Variants in MAPKAP1 observed in about 807,000 individuals in gnomAD.
The protein encoded by MAPKAP1 is target of rapamycin complex 2 subunit MAPKAP1.
Under a neutral mutation model 65.7 loss-of-function variants are expected in MAPKAP1, and 20 were observed. The observed-to-expected ratio is 0.30, with a 90% CI of 0.21 to 0.44. MAPKAP1 has a LOEUF of 0.44. MAPKAP1 is among the 20% of genes least tolerant of loss of function. The pLI, the probability that MAPKAP1 is intolerant of heterozygous loss-of-function variation, is 1.00. For missense variants in MAPKAP1, 423 were observed against 648.0 expected (o/e 0.65, Z 3.77); for synonymous variants, 222 against 244.3 (o/e 0.91, Z 0.85).
chr9:125,691,421 A>T (rs1423304924), intron 1 of MAPKAP1, among the ~76,000 whole-genome samples: 1 of 152,190 alleles, frequency 6.6e-6, no homozygotes, highest in East Asian at 1.9e-4. Context: ...TGGGGAGATG[A>T]GGAGTTATGT....
chr9:125,629,081 A>G (rs1290861877), intron 4 of MAPKAP1, among the ~76,000 whole-genome samples: 1 of 151,806 alleles, frequency 6.6e-6, no homozygotes, highest in Non-Finnish European at 1.5e-5. Context: ...ACACACACAC[A>G]CACACACACA....
chr9:125,704,810 T>C (rs1481330692), intron 1 of MAPKAP1, among the ~76,000 whole-genome samples: 4 of 152,222 alleles, frequency 2.6e-5, no homozygotes, highest in Non-Finnish European at 5.9e-5. Context: ...TTGTATCTTA[T>C]AGCTATTTAT....
At chr9:125,536,953 A>G (rs1490245346) in intron 7 of MAPKAP1, among the ~76,000 whole-genome samples, 1 of 152,256 alleles carries the variant, frequency 6.6e-6, no homozygotes, top group African/African-American at 2.4e-5. Context: ...TGCAATTACA[A>G]AAAGAATTCC....
chr9:125,582,777 G>A lies in MAPKAP1; in HGVS notation c.671+2778C>T, dbSNP rs538270860. Among the ~76,000 whole-genome samples, 4 of 152,330 alleles carry A rather than the reference G, an allele frequency of 2.6e-5. No individual in the cohort carries two copies. In the East Asian group the frequency reaches 7.7e-4, roughly 29 times the overall value. ...CCTCTGGTCCCCGTCCAGGGATGCA[G>A]TTCCTTTGGTCCCATACCCTCATGT... On this transcript the variant is annotated intron_variant, in intron 5 of 11. Coordinates refer to ENST00000265960, the MANE Select transcript of MAPKAP1 (RefSeq NM_001006617.3).
rs1833499960 is a variant in MAPKAP1, at chr9:125,638,928, C to A, written c.498+18723G>T. Among the ~76,000 whole-genome samples, 3 of 152,312 alleles carry A rather than the reference C, an allele frequency of 2.0e-5. No homozygotes were observed. The South Asian group carries it at 6.2e-4, about 32-fold the overall frequency. On this transcript the variant is annotated intron_variant, in intron 4 of 11. Transcript: ENST00000265960. ...AAAATCTGGCTGAGAATTAACCTCA[C>A]AATAACAAGTGGAAGACCTTTGGGA...
At chr9:125,589,527 C>G (rs1283648983) in intron 4 of MAPKAP1, among the ~76,000 whole-genome samples, 1 of 152,204 alleles carries the variant, frequency 6.6e-6, no homozygotes, top group African/African-American at 2.4e-5. Flanking sequence ...CTCCATCCCT[C>G]TTGCCCTTCC....
At chr9:125,545,751 G>A (rs1830403713) in intron 6 of MAPKAP1, among the ~76,000 whole-genome samples, 1 of 152,126 alleles carries the variant, frequency 6.6e-6, no homozygotes. Context: ...TTGAGCAGAG[G>A]AAAATCCCCA....
intron 1 of MAPKAP1, among the ~76,000 whole-genome samples, chr9:125,693,435 A>G (rs1835232521): frequency 2.0e-5 from 3 of 149,704 alleles, no homozygotes; most frequent in Admixed American, 2.0e-4. Context: ...AAATATATAT[A>G]TATATATACA....
chr9:125,539,065 G>T (rs1830163174), intron 7 of MAPKAP1, among the ~76,000 whole-genome samples: 1 of 152,162 alleles, frequency 6.6e-6, no homozygotes. Context: ...TAGGGGTCTT[G>T]TGAAAACAAA....
chr9:125,697,772 T>C (rs543396153), intron 1 of MAPKAP1, among the ~76,000 whole-genome samples: 1 of 152,334 alleles, frequency 6.6e-6, no homozygotes. Context: ...GCCAAAGTGC[T>C]TTCCAGAAAA....
At chr9:125,637,469 G>A (rs1307065852) in intron 4 of MAPKAP1, among the ~76,000 whole-genome samples, 1 of 152,098 alleles carries the variant, frequency 6.6e-6, no homozygotes, top group Non-Finnish European at 1.5e-5. Context: ...TCATAGAACT[G>A]TCAGGTAATA....
chr9:125,632,162 CA>C (rs1256848523), intron 4 of MAPKAP1, among the ~76,000 whole-genome samples: 2 of 150,026 alleles, frequency 1.3e-5, no homozygotes, highest in African/African-American at 4.9e-5. Flanking sequence ...GAAGAGCCTG[CA>C]GTGAGCTGAG....
intron 1 of MAPKAP1, among the ~76,000 whole-genome samples, chr9:125,701,150 G>A (rs907966499): frequency 1.3e-5 from 2 of 152,132 alleles, no homozygotes; most frequent in Non-Finnish European, 1.5e-5. Context: ...TTGGCATCCC[G>A]AAAAGAAAAC....
intron 7 of MAPKAP1, among the ~76,000 whole-genome samples, chr9:125,511,591 T>C (rs374755221): frequency 7.2e-5 from 11 of 152,330 alleles, no homozygotes; most frequent in African/African-American, 2.6e-4. Flanking sequence ...CATCAAATAC[T>C]TGTTTAATTT....
At chr9:125,689,986 G>C (rs1835118356) in intron 1 of MAPKAP1, among the ~76,000 whole-genome samples, 1 of 152,100 alleles carries the variant, frequency 6.6e-6, no homozygotes, top group African/African-American at 2.4e-5. Flanking sequence ...TACTCAGGAG[G>C]CTGAGGCAGG....
intron 7 of MAPKAP1, among the ~76,000 whole-genome samples, chr9:125,534,256 A>G (rs1157115514): frequency 6.6e-6 from 1 of 152,226 alleles, no homozygotes; most frequent in Non-Finnish European, 1.5e-5. Flanking sequence ...AAAAAAACCC[A>G]AAGGATTTAC....
rs536367888 is a variant in MAPKAP1, at chr9:125,480,975, GAAAAAAAAAA to G, written c.1207+3458_1207+3467del. Among the ~76,000 whole-genome samples the G allele has an allele frequency of 5.9e-4, 64 of 108,720 alleles. No individual in the cohort carries two copies. In the South Asian group the frequency reaches 0.019, roughly 33 times the overall value. The allele number at this position is 108,720 out of a possible 152,430, so 71.3% of individuals were successfully genotyped here. On this transcript the variant is annotated intron_variant, in intron 9 of 11. Coordinates refer to ENST00000265960, the MANE Select transcript of MAPKAP1 (RefSeq NM_001006617.3). ...TGACAGAGCGAGACTCCGTTTCGGG[GAAAAAAAAAA>G]AAAAAAAAAAAAAAAAGAATATGCT...
chr9:125,463,140 G>A (rs1326151229), intron 10 of MAPKAP1, among the ~76,000 whole-genome samples: 3 of 152,220 alleles, frequency 2.0e-5, no homozygotes, highest in Admixed American at 6.5e-5. Context: ...ATAGCAAGAC[G>A]TATAATGGGG....
chr9:125,466,005 C>A (rs1237042349), intron 10 of MAPKAP1, among the ~76,000 whole-genome samples: 1 of 152,200 alleles, frequency 6.6e-6, no homozygotes, highest in Non-Finnish European at 1.5e-5. Context: ...AAACTATGGG[C>A]TATGAGGCTA....
Sources: gnomAD v4.1 joint callset for allele counts (sites outside exome capture counted in the v4.1 genomes callset) on GRCh38, gnomAD v4.1.1 for gene constraint, MANE v1.5 for transcripts, NCBI Gene and HGNC (gene_info 2026-07-23, HGNC 2026-07-21) for gene names.